Variants in LCORL observed in about 807,000 individuals in gnomAD.
The protein encoded by LCORL is ligand-dependent nuclear receptor corepressor-like protein.
A neutral mutation model predicts 141.8 loss-of-function variants in LCORL; 41 were observed. The observed-to-expected ratio is 0.29, with a 90% confidence interval of 0.23 to 0.38. The LOEUF is 0.38. LCORL is among the 10% of genes least tolerant of loss of function. LCORL has a pLI of 1.00. For synonymous variants in LCORL, 618 were observed against 694.1 expected, an observed-to-expected ratio of 0.89 and a Z score of 1.72; for missense variants, 1,759 against 2,035.0, an observed-to-expected ratio of 0.86 and a Z score of 2.61.
chr4:17,963,448 T>C lies in LCORL; in HGVS notation c.221-399A>G, dbSNP rs565487995. ...GCACACCATGAAAGACAACATAAAATAGAGAAATAGAAGAAAGCACTAGAA... is the reference window on the plus strand; with the variant it reads ...GCACACCATGAAAGACAACATAAAACAGAGAAATAGAAGAAAGCACTAGAA... On this transcript the variant is annotated intron_variant, in intron 2 of 7. Transcript: ENST00000635767. Among the ~76,000 whole-genome samples the C allele has an allele frequency of 3.3e-5, 5 of 151,764 alleles. No homozygotes were observed. The East Asian group carries it at 5.8e-4, about 18-fold the overall frequency.
At chr4:17,912,878 G>A in intron 4 of LCORL, 1 of 454,642 alleles carries the variant, frequency 2.2e-6, no homozygotes, top group Non-Finnish European at 4.3e-6. Context: ...GCCCTGGACA[G>A]CAGCAATTCC....
intron 4 of LCORL, chr4:17,912,592 G>T (rs1019740809): frequency 1.4e-5 from 6 of 415,350 alleles, no homozygotes; most frequent in Non-Finnish European, 2.8e-5. Context: ...TCGTGCAGCT[G>T]AGACTTACAG....
intron 4 of LCORL, among the ~76,000 whole-genome samples, chr4:17,958,374 A>G (rs1466211536): frequency 1.3e-5 from 2 of 151,940 alleles, no homozygotes; most frequent in African/African-American, 4.8e-5. Context: ...TACTATGTAC[A>G]TATTATCTGT....
At chr4:17,926,668 G>A (rs1382617382) in intron 4 of LCORL, among the ~76,000 whole-genome samples, 2 of 152,198 alleles carry the variant, frequency 1.3e-5, no homozygotes, top group Non-Finnish European at 2.9e-5. Context: ...TTGTGATCAT[G>A]TGAGTCAATA....
intron 5 of LCORL, among the ~76,000 whole-genome samples, chr4:17,901,993 T>A (rs906590240): frequency 6.6e-6 from 1 of 151,950 alleles, no homozygotes; most frequent in African/African-American, 2.4e-5. Context: ...GAAACTAATG[T>A]TTAAAAGGAG....
intron 1 of LCORL, among the ~76,000 whole-genome samples, chr4:18,018,416 G>A (rs963474502): frequency 6.6e-6 from 1 of 152,090 alleles, no homozygotes; most frequent in Non-Finnish European, 1.5e-5. Context: ...TGTAAGTAGA[G>A]ATATTAATTG....
At chr4:17,923,961 C>T (rs1319455075) in intron 4 of LCORL, among the ~76,000 whole-genome samples, 1 of 151,710 alleles carries the variant, frequency 6.6e-6, no homozygotes, top group African/African-American at 2.4e-5. Context: ...GAAGGGAAAT[C>T]TTCCTAGTGG....
intron 1 of LCORL, among the ~76,000 whole-genome samples, chr4:17,993,205 T>C (rs1354012836): frequency 1.3e-5 from 2 of 152,170 alleles, no homozygotes; most frequent in East Asian, 3.8e-4. Flanking sequence ...TATTTAGTTT[T>C]ATTAAATTTA....
chr4:17,893,989 G>T (rs1455126659), intron 5 of LCORL, among the ~76,000 whole-genome samples: 1 of 151,976 alleles, frequency 6.6e-6, no homozygotes, highest in Non-Finnish European at 1.5e-5. Flanking sequence ...AGTAGAGATG[G>T]GGTTTCACCA....
intron 4 of LCORL, among the ~76,000 whole-genome samples, chr4:17,932,638 C>A (rs765313371): frequency 6.6e-6 from 1 of 152,142 alleles, no homozygotes; most frequent in Non-Finnish European, 1.5e-5. Context: ...CCATAGAGTA[C>A]GAGGCTGAGC....
At chr4:17,961,565 A>G (rs1226842589) in intron 4 of LCORL, among the ~76,000 whole-genome samples, 2 of 152,066 alleles carry the variant, frequency 1.3e-5, no homozygotes, top group Non-Finnish European at 2.9e-5. Flanking sequence ...CTTATTGAAC[A>G]TCAAACAAAT....
chr4:18,010,533 T>G (rs926464920), intron 1 of LCORL, among the ~76,000 whole-genome samples: 11 of 152,088 alleles, frequency 7.2e-5, no homozygotes, highest in African/African-American at 2.4e-4. Flanking sequence ...CACTGCAACC[T>G]CCGCCTCCCG....
At chr4:17,901,966 G>A (rs1398304349) in intron 5 of LCORL, among the ~76,000 whole-genome samples, 2 of 152,008 alleles carry the variant, frequency 1.3e-5, no homozygotes, top group African/African-American at 4.8e-5. Flanking sequence ...TGGGAGGTGT[G>A]GAGGAGGCTT....
chr4:18,002,404 GA>G (rs1163228941), intron 1 of LCORL, among the ~76,000 whole-genome samples: 18 of 140,604 alleles, frequency 1.3e-4, no homozygotes, highest in South Asian at 4.6e-4. Context: ...TCTCACAAAA[GA>G]AAAAAAAAAA....
chr4:17,999,326 G>A (rs1420628016), intron 1 of LCORL, among the ~76,000 whole-genome samples: 2 of 151,722 alleles, frequency 1.3e-5, no homozygotes, highest in Admixed American at 6.6e-5. Flanking sequence ...TGGTGGTGGA[G>A]GTGTGTAGTC....
chr4:17,896,689 G>C (rs1729980384), intron 5 of LCORL, among the ~76,000 whole-genome samples: 1 of 152,102 alleles, frequency 6.6e-6, no homozygotes, highest in Non-Finnish European at 1.5e-5. Flanking sequence ...GGTAGACGGG[G>C]CATCCATCAC....
intron 5 of LCORL, among the ~76,000 whole-genome samples, chr4:17,896,763 A>G (rs938212217): frequency 6.6e-6 from 1 of 152,174 alleles, no homozygotes; most frequent in Non-Finnish European, 1.5e-5. Context: ...AAAATGTACA[A>G]TTAAACTGTT....
chr4:18,019,687 G>GA (rs35744206), intron 1 of LCORL, among the ~76,000 whole-genome samples: 65,957 of 150,588 alleles, frequency 0.44, 16,835 homozygotes, highest in Non-Finnish European at 0.58. Flanking sequence ...AAGAAGACCA[G>GA]AAAAAAAAAC....
chr4:17,948,386 C>A (rs999930106), intron 4 of LCORL, among the ~76,000 whole-genome samples: 1 of 151,816 alleles, frequency 6.6e-6, no homozygotes, highest in Non-Finnish European at 1.5e-5. Context: ...AATACACGTG[C>A]TAAGTACTAG....
Sources: allele counts gnomAD v4.1 joint callset (sites outside exome capture counted in the v4.1 genomes callset), GRCh38; gene constraint gnomAD v4.1.1; transcripts MANE v1.5; gene names NCBI Gene and HGNC (gene_info 2026-07-23, HGNC 2026-07-21).